Variants in TMTC4 observed in about 807,000 individuals in gnomAD.
The protein encoded by TMTC4 is transmembrane O-mannosyltransferase targeting cadherins 4.
In TMTC4, 65 loss-of-function variants were observed where a neutral mutation model predicts 86.0. That is an observed-to-expected ratio of 0.76 (90% confidence interval 0.62 to 0.93). The LOEUF (loss-of-function observed/expected upper bound fraction) is 0.93, where lower values mean the gene tolerates loss of function less well. TMTC4 is among the 40% of genes least tolerant of loss of function. The pLI is 0.00. For synonymous variants in TMTC4, 379 were observed against 382.5 expected, an observed-to-expected ratio of 0.99 and a Z score of 0.11; for missense variants, 866 against 948.1, an observed-to-expected ratio of 0.91 and a Z score of 1.14.
At position 100,669,148 on chromosome 13, in the gene TMTC4, C is replaced by G. The variant is rs188463756; in HGVS notation, c.4-354G>C. 5.2e-3 allele frequency among the ~76,000 whole-genome samples: 793 copies of G among 152,308 alleles called. 4 individuals are homozygous for G. Among genetic ancestry groups the G allele is most frequent in the Non-Finnish European group, 5.7e-3 (387 of 68,030 alleles). On this transcript the variant is annotated intron_variant, in intron 2 of 18. Transcript: ENST00000342624. ...AAAGCTTAAAAAAAAAGTTACCATC[C>G]TACCTCATCCAATCCAGAAAAATTA...
chr13:100,618,717 T>C (rs575737044), intron 15 of TMTC4, among the ~76,000 whole-genome samples: 3 of 152,116 alleles, frequency 2.0e-5, no homozygotes, highest in Non-Finnish European at 4.4e-5. Flanking sequence ...CCTTCAAACA[T>C]CTGTTTAACA....
At chr13:100,669,937 G>C (rs950712344) in intron 2 of TMTC4, among the ~76,000 whole-genome samples, 1 of 152,168 alleles carries the variant, frequency 6.6e-6, no homozygotes, top group Non-Finnish European at 1.5e-5. Context: ...GATGGTAAGA[G>C]TGCCTACCTT....
intron 17 of TMTC4, among the ~76,000 whole-genome samples, chr13:100,608,371 G>C (rs1039939048): frequency 1.3e-5 from 2 of 152,200 alleles, no homozygotes; most frequent in African/African-American, 2.4e-5. Flanking sequence ...GAAGGAACAG[G>C]GATGAGGAAT....
chr13:100,652,572 C>T (rs1884597507), intron 6 of TMTC4, among the ~76,000 whole-genome samples: 1 of 152,112 alleles, frequency 6.6e-6, no homozygotes, highest in Non-Finnish European at 1.5e-5. Context: ...TATATATATA[C>T]ACCTGAATTT....
At position 100,656,362 on chromosome 13, in the gene TMTC4, A is replaced by G. The variant is rs778468423; in HGVS notation, c.640+19T>C. The stretch of plus-strand genomic sequence containing the variant: ...ACATGAAGAAGGTGGAAAATTAAGA[A>G]GGCAAACAGAATGCTTACTTTCTCT... On this transcript the variant is annotated intron_variant, in intron 6 of 18. Transcript: ENST00000342624. 11 of 1,598,944 alleles carry G rather than the reference A, an allele frequency of 6.9e-6. No homozygotes were observed. The highest frequency in any genetic ancestry group is 9.4e-6 in the Non-Finnish European group (11 of 1,173,484).
intron 12 of TMTC4, among the ~76,000 whole-genome samples, chr13:100,632,648 G>A (rs1438475729): frequency 6.6e-6 from 1 of 152,062 alleles, no homozygotes; most frequent in Non-Finnish European, 1.5e-5. Flanking sequence ...TGAATGACAG[G>A]TTTTAATCCA....
At chr13:100,620,258 A>T (rs938710519) in intron 15 of TMTC4, among the ~76,000 whole-genome samples, 1 of 152,106 alleles carries the variant, frequency 6.6e-6, no homozygotes, top group South Asian at 2.1e-4. Flanking sequence ...CAGGCACTGG[A>T]TGGTGGGGAG....
intron 15 of TMTC4, among the ~76,000 whole-genome samples, chr13:100,617,595 C>T (rs1205062554): frequency 6.6e-6 from 1 of 152,144 alleles, no homozygotes; most frequent in Non-Finnish European, 1.5e-5. Context: ...ACCCTTTCCC[C>T]ATTGCTTTAA....
chr13:100,614,220 T>G, intron 16 of TMTC4, 96 bp downstream of exon 16: 1 of 895,036 alleles, frequency 1.1e-6, no homozygotes, highest in Non-Finnish European at 1.7e-6. Context: ...TTAAACTCAG[T>G]AGGAAAAAAG....
At chr13:100,634,708 A>G (rs1594295044) in intron 12 of TMTC4, 97 bp downstream of exon 12, 1 of 1,467,532 alleles carries the variant, frequency 6.8e-7, no homozygotes, top group East Asian at 2.3e-5. Flanking sequence ...ATGGTCTTAC[A>G]CTAAATACTG....
intron 7 of TMTC4, 73 bp downstream of exon 7, chr13:100,642,138 A>G: frequency 6.6e-7 from 1 of 1,512,830 alleles, no homozygotes. Context: ...AGGCAGGGCC[A>G]GCCCCAGATG....
intron 6 of TMTC4, among the ~76,000 whole-genome samples, chr13:100,654,074 C>T (rs1369053560): frequency 2.0e-5 from 3 of 152,208 alleles, no homozygotes; most frequent in Non-Finnish European, 4.4e-5. Context: ...CCCACGAAGA[C>T]GGGGCAGCTT....
intron 3 of TMTC4, 21 bp from the exon 4 acceptor site, chr13:100,664,357 T>G: frequency 6.3e-7 from 1 of 1,576,440 alleles, no homozygotes; most frequent in Non-Finnish European, 8.6e-7. Context: ...ACAAAGGGGA[T>G]GTTCTGGACA....
At chr13:100,621,919 C>A (rs759034704) in intron 15 of TMTC4, among the ~76,000 whole-genome samples, 1 of 152,128 alleles carries the variant, frequency 6.6e-6, no homozygotes, top group African/African-American at 2.4e-5. Context: ...TTGTGAGGAT[C>A]GCCCCTGCTT....
intron 15 of TMTC4, among the ~76,000 whole-genome samples, chr13:100,618,220 T>C (rs74751564): frequency 0.019 from 2,887 of 152,312 alleles, 77 homozygotes; most frequent in African/African-American, 0.057. Flanking sequence ...GTTTATGAGT[T>C]CCAGGAGCCT....
chr13:100,626,114 C>CT lies in TMTC4; in HGVS notation c.1542dup (p.Gly515ArgfsTer26). 6.2e-7 allele frequency: 1 copy of CT among 1,614,180 alleles called. No individual in the cohort carries two copies. The highest frequency in any genetic ancestry group is 8.5e-7 in the Non-Finnish European group (1 of 1,180,036). ...TATCTGATGGCAGCTGTCTGGTTGC[C>CT]TTTATCAGCCAGGTTTTTGCCAATG... is the stretch of plus-strand genomic sequence containing the variant. On this transcript the variant is annotated frameshift_variant, in exon 13 of 19. Coordinates refer to ENST00000342624, the MANE Select transcript of TMTC4 (RefSeq NM_032813.5). LOFTEE classifies it high-confidence loss of function.
chr13:100,631,670 T>G (rs1392289419), intron 12 of TMTC4, among the ~76,000 whole-genome samples: 2 of 152,140 alleles, frequency 1.3e-5, no homozygotes, highest in African/African-American at 4.8e-5. Flanking sequence ...GAGTCTTAGC[T>G]CACACATCTG....
intron 15 of TMTC4, among the ~76,000 whole-genome samples, chr13:100,617,807 T>C (rs1347939272): frequency 1.3e-5 from 2 of 152,252 alleles, no homozygotes; most frequent in Non-Finnish European, 2.9e-5. Context: ...AGGACTGCTT[T>C]GGCTATTCAG....
chr13:100,604,812 A>G lies in TMTC4; in HGVS notation c.*182T>C, dbSNP rs767472387. ...AAAAATACAATTTCAATGAAAAATC[A>G]TATCACGCATTCAAGAGTATATTGC... On this transcript the variant is annotated 3_prime_UTR_variant, in exon 19 of 19. Coordinates refer to ENST00000342624, the MANE Select transcript of TMTC4 (RefSeq NM_032813.5). The G allele has an allele frequency of 1.7e-4, 85 of 503,212 alleles. No homozygotes were observed. Among genetic ancestry groups the G allele is most frequent in the Non-Finnish European group, 2.5e-4 (79 of 315,154 alleles). The allele number at this position is 503,212 out of a possible 1,614,324, so 31.2% of individuals were successfully genotyped here. A position where few individuals can be genotyped will look rare whatever the true frequency, so the allele number is the denominator to read the frequency against.
Sources: gnomAD v4.1 joint callset for allele counts (sites outside exome capture counted in the v4.1 genomes callset) on GRCh38, gnomAD v4.1.1 for gene constraint, MANE v1.5 for transcripts, NCBI Gene and HGNC (gene_info 2026-07-23, HGNC 2026-07-21) for gene names.